SOCS2: variants seen among roughly 807,000 people sequenced by gnomAD.
The protein encoded by SOCS2 is CIS-2.
SOCS2 carries 10 observed loss-of-function variants against 18.6 expected under a neutral mutation model. The ratio of observed to expected loss-of-function variants is 0.54; its 90% CI spans 0.33 to 0.91. SOCS2 has a LOEUF of 0.91. Among genes scored for constraint, SOCS2 ranks in the 40% least tolerant of loss-of-function variants. The pLI is 0.02. For missense variants in SOCS2, 231 were observed against 247.2 expected (o/e 0.93, Z 0.44); for synonymous variants, 104 against 104.0 (o/e 1.00, Z 0.00).
chr12:93,579,680 G>A (rs2136710034), downstream of SOCS2, among the ~76,000 whole-genome samples: 1 of 152,070 alleles, frequency 6.6e-6, no homozygotes, highest in Non-Finnish European at 1.5e-5. Context: ...CCTCTGTGTG[G>A]CTTGAGTTCA....
chr12:93,591,641 C>G, the SOCS2 span, among the ~76,000 whole-genome samples: 8 of 152,246 alleles, frequency 5.3e-5, no homozygotes, highest in East Asian at 1.5e-3. Flanking sequence ...CGGAGCCCCA[C>G]GGAGCTGTGG....
At chr12:93,608,504 TACTA>T in the SOCS2 span, among the ~76,000 whole-genome samples, 2 of 152,078 alleles carry the variant, frequency 1.3e-5, no homozygotes, top group African/African-American at 4.8e-5. Context: ...TGACATCACT[TACTA>T]ACTCTGTGAC....
chr12:93,610,017 T>G, the SOCS2 span, among the ~76,000 whole-genome samples: 1 of 152,182 alleles, frequency 6.6e-6, no homozygotes, highest in African/African-American at 2.4e-5. Flanking sequence ...ATGACATTAA[T>G]TCATTCAAGA....
At chr12:93,577,670 T>TACTTTTAA (rs201015318), downstream of SOCS2, among the ~76,000 whole-genome samples, 2,729 of 152,312 alleles carry the variant, frequency 0.018, 87 homozygotes, top group African/African-American at 0.062. Flanking sequence ...TGGAAAAGTA[T>TACTTTTAA]AGATACCTTA....
the SOCS2 span, among the ~76,000 whole-genome samples, chr12:93,618,743 C>G: frequency 2.6e-4 from 40 of 152,316 alleles, no homozygotes; most frequent in Admixed American, 3.3e-4. Flanking sequence ...CACTACTTTA[C>G]TTTATTTTCT....
the SOCS2 span, among the ~76,000 whole-genome samples, chr12:93,617,896 A>G: frequency 1.3e-5 from 2 of 152,070 alleles, no homozygotes. Flanking sequence ...CTCTTGCCTG[A>G]TGTGTAATCC....
At chr12:93,591,561 G>A in the SOCS2 span, among the ~76,000 whole-genome samples, 13 of 152,358 alleles carry the variant, frequency 8.5e-5, no homozygotes, top group East Asian at 7.7e-4. Context: ...TGTCTCTCAA[G>A]AGGGAAGTGA....
In SOCS2 at chr12:93,572,841, C is replaced by A. The variant is rs557380347; in HGVS notation, c.-57C>A. 4.1e-4 allele frequency: 633 copies of A among 1,553,210 alleles called. No homozygotes were observed. Among genetic ancestry groups the A allele is most frequent in the Non-Finnish European group, 5.2e-4 (598 of 1,147,858 alleles). ...ACTGACTTCAAGGAAGGACGCGAACCCTTCTCTGACCCCAGCTCGGGCGGC... is the reference window on the plus strand; with the variant it reads ...ACTGACTTCAAGGAAGGACGCGAACACTTCTCTGACCCCAGCTCGGGCGGC... On this transcript the variant is annotated 5_prime_UTR_variant, in exon 1 of 2. Coordinates refer to ENST00000551556, the MANE Select transcript of SOCS2 (RefSeq NM_001270471.2). This position sits in a 1 kb window ranked among gnomAD's most constrained non-coding sequence, Gnocchi z 5.0.
At chr12:93,610,223 T>C in the SOCS2 span, among the ~76,000 whole-genome samples, 2 of 152,194 alleles carry the variant, frequency 1.3e-5, no homozygotes, top group Admixed American at 1.3e-4. Context: ...ATAAGAATCA[T>C]GTGGAGCTAG....
At chr12:93,609,425 T>C in the SOCS2 span, among the ~76,000 whole-genome samples, 1 of 151,956 alleles carries the variant, frequency 6.6e-6, no homozygotes, top group East Asian at 1.9e-4. Flanking sequence ...AAATAAAGAC[T>C]GTAAAATTTA....
intron 1 of SOCS2, among the ~76,000 whole-genome samples, chr12:93,582,812 C>T (rs79519700): frequency 0.011 from 1,678 of 152,112 alleles, 13 homozygotes; most frequent in Non-Finnish European, 0.016. Context: ...ATTTTTGGTC[C>T]CTTCCAAGGA....
chr12:93,617,099 A>C, the SOCS2 span, among the ~76,000 whole-genome samples: 310 of 152,270 alleles, frequency 2.0e-3, 1 homozygote, highest in African/African-American at 7.1e-3. Context: ...CAATTATATC[A>C]CTGTGATATG....
At chr12:93,579,913 C>T (rs528888708), downstream of SOCS2, among the ~76,000 whole-genome samples, 1 of 152,300 alleles carries the variant, frequency 6.6e-6, no homozygotes, top group East Asian at 1.9e-4. Context: ...ACTGCTTTTA[C>T]AGACAACTCT....
At chr12:93,602,785 C>G in the SOCS2 span, among the ~76,000 whole-genome samples, 1 of 152,182 alleles carries the variant, frequency 6.6e-6, no homozygotes, top group Non-Finnish European at 1.5e-5. Flanking sequence ...GCCCTGCATT[C>G]TGTAATCCAC....
chr12:93,584,263 G>A (rs563342132), downstream of SOCS2, among the ~76,000 whole-genome samples: 1 of 152,050 alleles, frequency 6.6e-6, no homozygotes, highest in African/African-American at 2.4e-5. Context: ...AGCCTGCTTG[G>A]GAAATTAGGC....
downstream of SOCS2, among the ~76,000 whole-genome samples, chr12:93,578,682 G>GCGCACA (rs150815945): frequency 6.8e-6 from 1 of 146,560 alleles, no homozygotes; most frequent in African/African-American, 2.5e-5. Flanking sequence ...TTGCATGCTC[G>GCGCACA]CACACACACA....
rs747791665 is a variant in SOCS2, at chr12:93,575,361, T to C, written c.*182T>C. 7.6e-5 allele frequency: 32 copies of C among 419,180 alleles called. No homozygotes were observed. Among genetic ancestry groups the C allele is most frequent in the Non-Finnish European group, 1.2e-4 (28 of 236,360 alleles). 26.0% of individuals were successfully genotyped at this position (419,180 alleles called of 1,614,324 possible). A position where few individuals can be genotyped will look rare whatever the true frequency, so the allele number is the denominator to read the frequency against. ...GCTAGGTGTTTAAAGTTCCTCCAGA[T>C]ACTTTTACCTGAGTGATGCTTCCCT... On this transcript the variant is annotated 3_prime_UTR_variant, in exon 2 of 2. Transcript: ENST00000551556.
the SOCS2 span, among the ~76,000 whole-genome samples, chr12:93,619,723 T>A: frequency 2.0e-5 from 3 of 152,142 alleles, no homozygotes; most frequent in Non-Finnish European, 4.4e-5. Flanking sequence ...GTTCCAAGTG[T>A]TTTTCCCTTG....
chr12:93,622,966 C>A, the SOCS2 span, among the ~76,000 whole-genome samples: 14,068 of 152,176 alleles, frequency 0.092, 914 homozygotes, highest in East Asian at 0.32. Context: ...AAAAGGAATC[C>A]ATTTTAGGTT....
Sources: gnomAD v4.1 joint callset for allele counts (sites outside exome capture counted in the v4.1 genomes callset) on GRCh38, gnomAD v4.1.1 for gene constraint, Gnocchi (gnomAD v3.1) non-coding constraint, MANE v1.5 for transcripts, NCBI Gene and HGNC (gene_info 2026-07-23, HGNC 2026-07-21) for gene names.